The following KIF20B variants were observed in gnomAD, a reference collection of about 807,000 sequenced individuals.
KIF20B encodes the protein kinesin-like protein KIF20B.
A neutral mutation model predicts 232.5 loss-of-function variants in KIF20B; 188 were observed. The observed-to-expected ratio is 0.81, with a 90% CI of 0.72 to 0.91. The LOEUF (loss-of-function observed/expected upper bound fraction) is 0.91. Among genes scored for constraint, KIF20B ranks in the 40% least tolerant of loss-of-function variants. KIF20B has a pLI of 0.00. For synonymous variants in KIF20B, 712 were observed against 683.0 expected, an observed-to-expected ratio of 1.04 and a Z score of -0.66; for missense variants, 2,154 against 2,055.9, an observed-to-expected ratio of 1.05 and a Z score of -0.92.
chr10:89,709,604 C>G, intron 4 of KIF20B, 143 bp downstream of exon 4: 2 of 577,444 alleles, frequency 3.5e-6, no homozygotes, highest in Non-Finnish European at 6.1e-6. Flanking sequence ...AATCTCAGGT[C>G]TGGAAATATA....
At chr10:89,752,800 A>C (rs1842048124) in intron 25 of KIF20B, 109 bp downstream of exon 25, 1 of 709,482 alleles carries the variant, frequency 1.4e-6, no homozygotes, top group South Asian at 3.3e-5. Flanking sequence ...GATATGGGTG[A>C]AATAATACCT....
intron 23 of KIF20B, among the ~76,000 whole-genome samples, chr10:89,746,991 A>G (rs114758647): frequency 6.6e-6 from 1 of 152,268 alleles, no homozygotes; most frequent in Non-Finnish European, 1.5e-5. Context: ...ACTTTTATGT[A>G]GGTCACAATG....
At chr10:89,744,964 T>A (rs1589871904) in intron 22 of KIF20B, among the ~76,000 whole-genome samples, 1 of 152,238 alleles carries the variant, frequency 6.6e-6, no homozygotes, top group Non-Finnish European at 1.5e-5. Context: ...CTGTAGGATA[T>A]CTGGTCCCCA....
Position 89,738,135 on chromosome 10 carries a change from A to C in KIF20B, c.3294A>C (p.Glu1098Asp). The C allele has an allele frequency of 6.3e-7, 1 of 1,588,856 alleles. No individual in the cohort carries two copies. Among genetic ancestry groups the C allele is most frequent in the Non-Finnish European group, 8.5e-7 (1 of 1,170,226 alleles). ...LQAEVKGYKD[E>D]NNRLKEKEHK... Reference sequence around the variant, plus strand: ...CAGAAGTAAAAGGCTATAAGGATGAAAACAATAGACTAAAGGAGAAGGAGC... The same window carrying C: ...CAGAAGTAAAAGGCTATAAGGATGACAACAATAGACTAAAGGAGAAGGAGC... Residue 1098 changes from glutamate to aspartate, a missense_variant, in exon 20 of 33, where the codon GAA (glutamate) becomes GAC (aspartate). Transcript: ENST00000371728.
rs1248745139 is a variant in KIF20B, at chr10:89,768,214, CAA to C, written c.4990-74_4990-73del. The C allele has an allele frequency of 1.4e-5, 13 of 948,414 alleles. No homozygotes were observed. The East Asian group carries it at 3.4e-4, about 25-fold the overall frequency. 58.7% of individuals were successfully genotyped at this position (948,414 alleles called of 1,614,324 possible). ...TTTTAAGTGATAATGTAGCTTTTTA[CAA>C]ATTTTCTTTTTTGAGTCTAGAGAAA... On this transcript the variant is annotated intron_variant, in intron 29 of 32. Transcript: ENST00000371728.
chr10:89,734,504 A>G (rs935012792), intron 19 of KIF20B, among the ~76,000 whole-genome samples: 4 of 152,168 alleles, frequency 2.6e-5, no homozygotes, highest in Non-Finnish European at 5.9e-5. Context: ...TTATGGTAGT[A>G]CCTGAGGGAC....
In KIF20B at chr10:89,752,606, CCAAAAACAATCAAAGGTCAAATAAAGAA is replaced by C; in HGVS notation, c.4265_4292del (p.Lys1422MetfsTer33). Reference sequence around the variant, plus strand: ...AAGGAAAAATGCAATGATTTGGAAACCAAAAACAATCAAAGGTCAAATAAAGAACATGAGAACAACACAGATGTGCTTG... The same window carrying C: ...AAGGAAAAATGCAATGATTTGGAAACCATGAGAACAACACAGATGTGCTTG... On this transcript the variant is annotated frameshift_variant, in exon 25 of 33. Transcript: ENST00000371728. LOFTEE classifies it high-confidence loss of function. 1 of 1,603,608 alleles carries C rather than the reference CCAAAAACAATCAAAGGTCAAATAAAGAA, an allele frequency of 6.2e-7. No homozygotes were observed.
chr10:89,726,700 AT>A (rs1326391617), intron 16 of KIF20B, among the ~76,000 whole-genome samples, 179 bp downstream of exon 16: 1 of 152,154 alleles, frequency 6.6e-6, no homozygotes, highest in East Asian at 1.9e-4. Flanking sequence ...TACTAAAAAT[AT>A]TTTTTGACTT....
rs559026944 is a variant in KIF20B at position 89,709,158 on chromosome 10, T to C, written c.148-9T>C. On this transcript the variant is annotated splice_polypyrimidine_tract_variant and intron_variant, in intron 2 of 32. Transcript: ENST00000371728. ...AAAAACACAATGTTTTTCTCCTTTA[T>C]TTTTTAAGGCAAACAGTTTCGAATC... 1.9e-6 allele frequency: 3 copies of C among 1,587,272 alleles called. No homozygotes were observed. Among genetic ancestry groups the C allele is most frequent in the African/African-American group, 1.3e-5 (1 of 74,416 alleles).
chr10:89,768,471 C>G, intron 30 of KIF20B, 80 bp downstream of exon 30: 2 of 879,254 alleles, frequency 2.3e-6, no homozygotes, highest in South Asian at 3.2e-5. Context: ...TTTATCTTCT[C>G]TTTCCTATAC....
At chr10:89,730,648 T>A (rs1843299219) in intron 18 of KIF20B, among the ~76,000 whole-genome samples, 1 of 152,204 alleles carries the variant, frequency 6.6e-6, no homozygotes, top group South Asian at 2.1e-4. Context: ...GTCATGGAAA[T>A]GAGAAATCTT....
chr10:89,767,565 T>C (rs928363287), intron 29 of KIF20B, among the ~76,000 whole-genome samples: 1 of 151,534 alleles, frequency 6.6e-6, no homozygotes, highest in Non-Finnish European at 1.5e-5. Context: ...TCTTGCCCCC[T>C]TTTTCCTGAA....
intron 21 of KIF20B, among the ~76,000 whole-genome samples, chr10:89,740,436 G>T (rs1043801142): frequency 6.6e-6 from 1 of 152,102 alleles, no homozygotes; most frequent in Non-Finnish European, 1.5e-5. Context: ...TGCTCACCAA[G>T]TGGGACACTC....
At chr10:89,733,953 A>G (rs1841585564) in intron 19 of KIF20B, among the ~76,000 whole-genome samples, 1 of 152,148 alleles carries the variant, frequency 6.6e-6, no homozygotes, top group African/African-American at 2.4e-5. Context: ...CTTAACAAAT[A>G]CAGGTTGTTT....
intron 28 of KIF20B, among the ~76,000 whole-genome samples, chr10:89,762,070 A>C (rs1842253831): frequency 6.6e-6 from 1 of 152,122 alleles, no homozygotes; most frequent in Admixed American, 6.6e-5. Flanking sequence ...CTCTCATGGC[A>C]TGGTAGCTGG....
chr10:89,705,511 C>A, intron 2 of KIF20B, 70 bp downstream of exon 2: 1 of 1,399,068 alleles, frequency 7.1e-7, no homozygotes, highest in Non-Finnish European at 9.8e-7. Context: ...AAACAATGGC[C>A]TGTTTTTGTA....
chr10:89,754,834 TCACTA>T (rs1192685630), intron 26 of KIF20B, among the ~76,000 whole-genome samples, 161 bp downstream of exon 26: 2 of 152,234 alleles, frequency 1.3e-5, no homozygotes, highest in Admixed American at 6.5e-5. Context: ...ATCTTGACAT[TCACTA>T]ATGTTCTTGT....
rs1169934382 is a variant in KIF20B at position 89,752,442 on chromosome 10, C to A, written c.4223-125C>A. The A allele has an allele frequency of 6.3e-5, 37 of 587,088 alleles. No homozygotes were observed. The Admixed American group carries it at 1.5e-3, about 24-fold the overall frequency. 36.4% of individuals were successfully genotyped at this position (587,088 alleles called of 1,614,324 possible). On this transcript the variant is annotated intron_variant, in intron 24 of 32. Coordinates refer to ENST00000371728, the MANE Select transcript of KIF20B (RefSeq NM_001284259.2). ...GTTAAACTATAGAATAGCCTCAGTT[C>A]CATCTTGGTCTGTGTTCTTTATCTG...
Position 89,745,945 on chromosome 10 carries a change from A to C in KIF20B, c.4082A>C (p.Glu1361Ala), listed in dbSNP as rs1437541031. 6.2e-7 allele frequency: 1 copy of C among 1,611,092 alleles called. No homozygotes were observed. Residue 1361 changes from glutamate (E) to alanine (A), a missense_variant, in exon 23 of 33, where the codon GAG becomes GCG. Physicochemically the swap from Glu to Ala is moderately radical, Grantham distance 107. Coordinates refer to ENST00000371728, the MANE Select transcript of KIF20B (RefSeq NM_001284259.2). Reference sequence around the variant, plus strand: ...GTGGAAGAAGCTATACAACAGTATGAGAGAGCATGCAAAGGTCAGGAACAA... The same window carrying C: ...GTGGAAGAAGCTATACAACAGTATGCGAGAGCATGCAAAGGTCAGGAACAA... ...QKVEEAIQQYERACKDLNVKE... is the reference protein window; with the variant it reads ...QKVEEAIQQYARACKDLNVKE...
Sources: gnomAD v4.1 joint callset for allele counts (sites outside exome capture counted in the v4.1 genomes callset) on GRCh38, gnomAD v4.1.1 for gene constraint, MANE v1.5 for transcripts, NCBI Gene and HGNC (gene_info 2026-07-23, HGNC 2026-07-21) for gene names.